The following ERBB4 variants were observed in gnomAD, a reference collection of about 807,000 sequenced individuals.
The protein encoded by ERBB4 is erb-b2 receptor tyrosine kinase 4.
A neutral mutation model predicts 158.0 loss-of-function variants in ERBB4; 42 were observed. That is an observed-to-expected ratio of 0.27 (90% CI 0.21 to 0.34). The LOEUF (loss-of-function observed/expected upper bound fraction) is 0.34. ERBB4 is among the 10% of genes least tolerant of loss of function. The probability of loss-of-function intolerance (pLI) is 1.00; values close to 1 mark genes in which losing one functional copy is unlikely to be tolerated. For missense variants in ERBB4, 1,333 were observed against 1,624.1 expected (o/e 0.82, Z 3.08); for synonymous variants, 583 against 558.7 (o/e 1.04, Z -0.61).
At chr2:212,198,572 A>T (rs1423448819) in intron 1 of ERBB4, among the ~76,000 whole-genome samples, 1 of 151,982 alleles carries the variant, frequency 6.6e-6, no homozygotes, top group Non-Finnish European at 1.5e-5. Flanking sequence ...ATTATACTGT[A>T]TCTGCCATAT....
At chr2:212,054,575 C>T (rs984280114) in intron 2 of ERBB4, among the ~76,000 whole-genome samples, 2 of 152,162 alleles carry the variant, frequency 1.3e-5, no homozygotes, top group Non-Finnish European at 2.9e-5. Flanking sequence ...TTTCTTCTAG[C>T]AGGTCCCAGG....
chr2:211,861,330 T>A, intron 3 of ERBB4, among the ~76,000 whole-genome samples: 1 of 69,464 alleles, frequency 1.4e-5, no homozygotes, highest in East Asian at 4.1e-4. Context: ...CAGGCGTGTT[T>A]TTTTTTTTGT....
At chr2:212,400,272 A>C (rs12105481) in intron 1 of ERBB4, among the ~76,000 whole-genome samples, 85,567 of 151,916 alleles carry the variant, frequency 0.56, 25,095 homozygotes, top group African/African-American at 0.7. Context: ...GGAAGGGAAC[A>C]GGCCAAGAGG....
intron 3 of ERBB4, among the ~76,000 whole-genome samples, chr2:211,814,995 T>C (rs892953155): frequency 1.3e-5 from 2 of 152,206 alleles, no homozygotes; most frequent in Non-Finnish European, 2.9e-5. Flanking sequence ...CAGGCTCAGT[T>C]GATAGGTGTT....
intron 19 of ERBB4, among the ~76,000 whole-genome samples, chr2:211,604,733 A>G (rs1439517120): frequency 2.0e-5 from 3 of 152,188 alleles, no homozygotes; most frequent in Non-Finnish European, 4.4e-5. Context: ...TGATCGACCG[A>G]CTGTTAACTT....
chr2:212,512,834 C>T (rs1294072464), intron 1 of ERBB4, among the ~76,000 whole-genome samples: 1 of 152,032 alleles, frequency 6.6e-6, no homozygotes, highest in South Asian at 2.1e-4. Flanking sequence ...AAGAAAAGCC[C>T]CTAGCAGAAC....
chr2:212,193,556 T>G (rs1309877458), intron 1 of ERBB4, among the ~76,000 whole-genome samples: 1 of 151,954 alleles, frequency 6.6e-6, no homozygotes, highest in East Asian at 1.9e-4. Flanking sequence ...TACTAGTACA[T>G]TAAACCAAAC....
At chr2:211,551,139 A>T (rs1414621829) in intron 20 of ERBB4, among the ~76,000 whole-genome samples, 1 of 152,184 alleles carries the variant, frequency 6.6e-6, no homozygotes. Flanking sequence ...TTCTGAGTTT[A>T]GTTCTTCTTC....
rs758014109 is a variant in ERBB4, at chr2:212,364,899, CTG to C, written c.82+173548_82+173549del. Among the ~76,000 whole-genome samples the C allele has an allele frequency of 1.5e-3, 203 of 134,524 alleles. 2 individuals are homozygous for C. Among genetic ancestry groups the C allele is most frequent in the African/African-American group, 5.4e-3 (183 of 34,136 alleles). The allele number at this position is 134,524 out of a possible 152,430, so 88.3% of individuals were successfully genotyped here. Reference sequence around the variant, plus strand: ...TGTAACAGATTATTTGTGTGTGCGTCTGTGTGTGTGTGTGAGTGTGTGTGTGT... The same window carrying C: ...TGTAACAGATTATTTGTGTGTGCGTCTGTGTGTGTGTGAGTGTGTGTGTGT... On this transcript the variant is annotated intron_variant, in intron 1 of 27. Coordinates refer to ENST00000342788, the MANE Select transcript of ERBB4 (RefSeq NM_005235.3).
chr2:212,272,668 G>A (rs12468998), intron 1 of ERBB4, among the ~76,000 whole-genome samples: 4,649 of 151,782 alleles, frequency 0.031, 114 homozygotes, highest in Admixed American at 0.076. Flanking sequence ...TGCAGTAATT[G>A]CCATGAGCCA....
intron 3 of ERBB4, among the ~76,000 whole-genome samples, chr2:211,912,539 A>G (rs1475755825): frequency 6.6e-6 from 1 of 152,216 alleles, no homozygotes; most frequent in Admixed American, 6.5e-5. Flanking sequence ...AGAGAAAAAA[A>G]ACTAGGAAAA....
chr2:211,869,322 T>G (rs570745286), intron 3 of ERBB4, among the ~76,000 whole-genome samples: 2 of 152,320 alleles, frequency 1.3e-5, no homozygotes, highest in African/African-American at 4.8e-5. Flanking sequence ...ATCACTGTCA[T>G]CTCCCTGAGT....
chr2:211,559,470 CTA>C (rs1395258871), intron 20 of ERBB4, among the ~76,000 whole-genome samples: 1 of 152,140 alleles, frequency 6.6e-6, no homozygotes, highest in African/African-American at 2.4e-5. Context: ...CCTGGCATAA[CTA>C]GTAATACAGT....
chr2:212,503,155 C>T (rs1690990931), intron 1 of ERBB4, among the ~76,000 whole-genome samples: 1 of 152,192 alleles, frequency 6.6e-6, no homozygotes, highest in African/African-American at 2.4e-5. Context: ...CTGCATTGAA[C>T]TGTTAGTAAT....
At position 212,111,439 on chromosome 2, in the gene ERBB4, C is replaced by T. The variant is rs370264565; in HGVS notation, c.234+13313G>A. On this transcript the variant is annotated intron_variant, in intron 2 of 27. Transcript: ENST00000342788. ...GCTGACAAGTCTTAAAGGCTCCCCA[C>T]AATTTGGTCTTCCGTTTTCAGCCTT... 4.6e-5 allele frequency among the ~76,000 whole-genome samples: 7 copies of T among 152,300 alleles called. No individual in the cohort carries two copies. In the South Asian group the frequency reaches 1.4e-3, roughly 32 times the overall value.
chr2:211,868,106 A>G (rs1318605283), intron 3 of ERBB4, among the ~76,000 whole-genome samples: 1 of 152,206 alleles, frequency 6.6e-6, no homozygotes, highest in Non-Finnish European at 1.5e-5. Flanking sequence ...GATTAGTGTT[A>G]TCTTTGCAGA....
chr2:211,953,984 T>C (rs955853236), intron 2 of ERBB4, among the ~76,000 whole-genome samples: 4 of 152,038 alleles, frequency 2.6e-5, no homozygotes, highest in Non-Finnish European at 5.9e-5. Flanking sequence ...CAATCAAAGA[T>C]TAGATGGGAC....
chr2:211,441,633 A>G (rs1298391834), intron 20 of ERBB4, among the ~76,000 whole-genome samples: 1 of 152,116 alleles, frequency 6.6e-6, no homozygotes, highest in East Asian at 1.9e-4. Context: ...AAATGCTGAT[A>G]TCTTTTCTGG....
chr2:212,126,578 C>G (rs193294164), intron 1 of ERBB4, among the ~76,000 whole-genome samples: 2 of 151,594 alleles, frequency 1.3e-5, no homozygotes, highest in Admixed American at 1.3e-4. Context: ...AATGTACTGA[C>G]TCTAATCCTA....
Sources: allele counts gnomAD v4.1 joint callset (sites outside exome capture counted in the v4.1 genomes callset), GRCh38; gene constraint gnomAD v4.1.1; transcripts MANE v1.5; gene names NCBI Gene and HGNC (gene_info 2026-07-23, HGNC 2026-07-21).